The following ARHGAP39 variants were observed in gnomAD, a reference collection of about 807,000 sequenced individuals.
ARHGAP39 encodes the protein rho GTPase-activating protein 39.
In ARHGAP39, 44 loss-of-function variants were observed where a neutral mutation model predicts 106.9. The observed-to-expected ratio is 0.41, with a 90% confidence interval of 0.32 to 0.53. The LOEUF (loss-of-function observed/expected upper bound fraction) is 0.53. Ranked by LOEUF, ARHGAP39 falls within the 20% of genes least tolerant of loss-of-function variation. The probability of loss-of-function intolerance (pLI) is 0.21; values close to 1 mark genes in which losing one functional copy is unlikely to be tolerated. For synonymous variants in ARHGAP39, 768 were observed against 693.2 expected (o/e 1.11, Z -1.69); for missense variants, 1,496 against 1,577.3 (o/e 0.95, Z 0.87).
At chr8:144,610,684 C>T (rs1486535118) in intron 1 of ARHGAP39, among the ~76,000 whole-genome samples, 1 of 151,896 alleles carries the variant, frequency 6.6e-6, no homozygotes, top group African/African-American at 2.4e-5. Context: ...TGCACTCCAG[C>T]CTGGGCGACA....
chr8:144,549,549 G>GC (rs1184977213), intron 4 of ARHGAP39, among the ~76,000 whole-genome samples: 2 of 152,054 alleles, frequency 1.3e-5, no homozygotes, highest in African/African-American at 4.8e-5. Context: ...CTGGAGTATA[G>GC]CGGCACGGTC....
rs372502289 is a variant in ARHGAP39 at position 144,624,254 on chromosome 8, T to G, written c.-81-18559A>C. Among the ~76,000 whole-genome samples, 8 of 152,338 alleles carry G rather than the reference T, an allele frequency of 5.3e-5. No homozygotes were observed. In the East Asian group the frequency reaches 1.5e-3, roughly 29 times the overall value. On this transcript the variant is annotated intron_variant, in intron 1 of 11. Coordinates refer to ENST00000377307, the MANE Select transcript of ARHGAP39 (RefSeq NM_025251.3). ...CATGACGAGCGCCCTTTGCACTAAG[T>G]GTAAAGCGTACAGTATAGGATACAC...
chr8:144,659,525 A>C (rs1586642438), intron 1 of ARHGAP39, among the ~76,000 whole-genome samples: 1 of 152,346 alleles, frequency 6.6e-6, no homozygotes, highest in East Asian at 1.9e-4. Flanking sequence ...CAATCACACC[A>C]GCCCTCTGAT....
intron 3 of ARHGAP39, among the ~76,000 whole-genome samples, chr8:144,571,251 C>T (rs188950523): frequency 5.9e-5 from 9 of 152,256 alleles, no homozygotes; most frequent in East Asian, 3.9e-4. Flanking sequence ...ACTGGCAAAC[C>T]GAATCCACCA....
chr8:144,547,525 G>A lies in ARHGAP39; in HGVS notation c.1561C>T (p.Pro521Ser). The change falls in exon 5 of 12, where the codon CCC becomes TCC. Residue 521 changes from proline to serine, a missense_variant. Coordinates refer to ENST00000377307, the MANE Select transcript of ARHGAP39 (RefSeq NM_025251.3). The surrounding 1 kb of genome is among the most constrained non-coding windows in gnomAD (Gnocchi z 5.2). ...CACGGGGGCTGTTCCTCGGCCAGGG[G>A]CTGCTCCACAAGCAGGTCCCCGGGG... ...EGPGDLLVEQ[P>S]LAEEQPPCGT... The A allele has an allele frequency of 6.7e-7, 1 of 1,484,752 alleles. No individual in the cohort carries two copies. The allele number at this position is 1,484,752 out of a possible 1,614,324, so 92.0% of individuals were successfully genotyped here. A position where few individuals can be genotyped will look rare whatever the true frequency, so the allele number is the denominator to read the frequency against.
At chr8:144,566,030 G>A (rs1318013215) in intron 3 of ARHGAP39, among the ~76,000 whole-genome samples, 1 of 150,968 alleles carries the variant, frequency 6.6e-6, no homozygotes, top group East Asian at 2.0e-4. Flanking sequence ...GGAGGTTGAC[G>A]CCGCCATCAT....
chr8:144,681,366 G>C (rs1270112905), intron 1 of ARHGAP39, among the ~76,000 whole-genome samples: 2 of 152,278 alleles, frequency 1.3e-5, no homozygotes, highest in South Asian at 2.1e-4. Context: ...TGCTCCACAG[G>C]CTGAACACCA....
intron 1 of ARHGAP39, among the ~76,000 whole-genome samples, chr8:144,682,034 C>G (rs1200656337): frequency 2.1e-5 from 3 of 143,560 alleles, no homozygotes; most frequent in African/African-American, 7.8e-5. Flanking sequence ...TTTGGGAGGC[C>G]GAGGCGGGCA....
Position 144,530,173 on chromosome 8 carries a change from C to G in ARHGAP39, c.*249G>C. The G allele has an allele frequency of 3.8e-6, 2 of 528,754 alleles. No homozygotes were observed. The highest frequency in any genetic ancestry group is 3.3e-5 in the East Asian group (1 of 30,528). 32.8% of individuals were successfully genotyped at this position (528,754 alleles called of 1,614,324 possible). A position where few individuals can be genotyped will look rare whatever the true frequency, so the allele number is the denominator to read the frequency against. On this transcript the variant is annotated 3_prime_UTR_variant, in exon 12 of 12. Coordinates refer to ENST00000377307, the MANE Select transcript of ARHGAP39 (RefSeq NM_025251.3). ...GAGCTGACCCGCGGCCAGCGGAGGGCGAGGCGGTGCCCGCGGGAACTGGCC... is the reference window on the plus strand; with the variant it reads ...GAGCTGACCCGCGGCCAGCGGAGGGGGAGGCGGTGCCCGCGGGAACTGGCC...
rs1822536852 is a variant in ARHGAP39 at position 144,684,884 on chromosome 8, A to G, written c.-82+802T>C. Among the ~76,000 whole-genome samples, 1 of 152,138 alleles carries G rather than the reference A, an allele frequency of 6.6e-6. No homozygotes were observed. Among genetic ancestry groups the G allele is most frequent in the Non-Finnish European group, 1.5e-5 (1 of 68,016 alleles). On this transcript the variant is annotated intron_variant, in intron 1 of 11. Transcript: ENST00000377307. This position sits in a 1 kb window ranked among gnomAD's most constrained non-coding sequence, Gnocchi z 4.4. Reference sequence around the variant, plus strand: ...GCCATGACCCCACCTGGAGACGCCCATGTCCGCTCCCTGCGCCCCGGGGAC... The same window carrying G: ...GCCATGACCCCACCTGGAGACGCCCGTGTCCGCTCCCTGCGCCCCGGGGAC...
the ARHGAP39 span, among the ~76,000 whole-genome samples, chr8:144,695,797 C>T: frequency 8.7e-4 from 132 of 152,272 alleles, no homozygotes; most frequent in Middle Eastern, 3.4e-3. Context: ...GTGATAGACG[C>T]GGGTCGTTGG....
intron 3 of ARHGAP39, among the ~76,000 whole-genome samples, chr8:144,574,287 C>A (rs950020554): frequency 1.3e-5 from 2 of 152,096 alleles, no homozygotes; most frequent in African/African-American, 4.8e-5. Context: ...ATAATCCCAG[C>A]ATTTTAGGAG....
At chr8:144,650,354 C>T (rs1429804185) in intron 1 of ARHGAP39, among the ~76,000 whole-genome samples, 1 of 152,110 alleles carries the variant, frequency 6.6e-6, no homozygotes, top group Non-Finnish European at 1.5e-5. Flanking sequence ...CCTACTGAAA[C>T]TATTCCAAAA....
chr8:144,635,005 G>T (rs1821140785), intron 1 of ARHGAP39, among the ~76,000 whole-genome samples: 1 of 152,250 alleles, frequency 6.6e-6, no homozygotes. Flanking sequence ...CACTTCTCAG[G>T]GAAACATTCT....
At chr8:144,658,725 T>A (rs1236119593) in intron 1 of ARHGAP39, among the ~76,000 whole-genome samples, 1 of 151,640 alleles carries the variant, frequency 6.6e-6, no homozygotes, top group Non-Finnish European at 1.5e-5. Flanking sequence ...TACTCTAACA[T>A]GACACATTAC....
At chr8:144,686,957 C>T (rs1295302988), upstream of ARHGAP39, among the ~76,000 whole-genome samples, 21 of 93,012 alleles carry the variant, frequency 2.3e-4, 2 homozygotes, top group East Asian at 1.5e-3. Context: ...TGACCACGCA[C>T]TGGCGGCGAG....
chr8:144,587,454 A>C (rs1338522781), intron 2 of ARHGAP39, among the ~76,000 whole-genome samples: 1 of 152,202 alleles, frequency 6.6e-6, no homozygotes, highest in African/African-American at 2.4e-5. Flanking sequence ...GGAAAATCTA[A>C]AATGTCAAAA....
chr8:144,574,600 G>A (rs1290444199), intron 3 of ARHGAP39, among the ~76,000 whole-genome samples: 1 of 152,244 alleles, frequency 6.6e-6, no homozygotes, highest in African/African-American at 2.4e-5. Flanking sequence ...CGTGAACCCA[G>A]GAGGCGGAGC....
chr8:144,559,748 T>C (rs1818075930), intron 3 of ARHGAP39, among the ~76,000 whole-genome samples: 1 of 152,232 alleles, frequency 6.6e-6, no homozygotes, highest in African/African-American at 2.4e-5. Flanking sequence ...TACATATACA[T>C]AATGAGGTAT....
Sources: gnomAD v4.1 joint callset for allele counts (sites outside exome capture counted in the v4.1 genomes callset) on GRCh38, gnomAD v4.1.1 for gene constraint, Gnocchi (gnomAD v3.1) non-coding constraint, MANE v1.5 for transcripts, NCBI Gene and HGNC (gene_info 2026-07-23, HGNC 2026-07-21) for gene names.